Variants in COL23A1 observed in about 807,000 individuals in gnomAD.
The protein encoded by COL23A1 is collagen type XXIII alpha 1 chain.
In COL23A1, 97 loss-of-function variants were observed where a neutral mutation model predicts 99.3. The ratio of observed to expected loss-of-function variants is 0.98; its 90% CI spans 0.83 to 1.16. COL23A1 has a LOEUF of 1.16. COL23A1 is among the 50% of genes most tolerant of loss of function. COL23A1 has a pLI of 0.00. For synonymous variants in COL23A1, 320 were observed against 308.2 expected, an observed-to-expected ratio of 1.04 and a Z score of -0.40; for missense variants, 762 against 757.4, an observed-to-expected ratio of 1.01 and a Z score of -0.07.
chr5:178,268,847 G>A (rs1478508156), intron 6 of COL23A1, 91 bp from the exon 7 acceptor site: 13 of 1,347,138 alleles, frequency 9.7e-6, no homozygotes, highest in Non-Finnish European at 1.3e-5. Flanking sequence ...AGGGCAGAAG[G>A]GCCCGTGATG....
intron 2 of COL23A1, among the ~76,000 whole-genome samples, chr5:178,543,556 T>G (rs1430693621): frequency 6.6e-6 from 1 of 152,150 alleles, no homozygotes; most frequent in Non-Finnish European, 1.5e-5. Context: ...AAACAATGCC[T>G]GGAGTGAGCC....
intron 20 of COL23A1, among the ~76,000 whole-genome samples, 173 bp from the exon 21 acceptor site, chr5:178,248,004 C>A (rs1764806061): frequency 6.6e-6 from 1 of 152,198 alleles, no homozygotes; most frequent in Admixed American, 6.5e-5. Flanking sequence ...CGAGGTTGTG[C>A]CACTGCACTC....
At chr5:178,259,591 C>A (rs556381555) in intron 12 of COL23A1, 130 bp downstream of exon 12, 2 of 883,000 alleles carry the variant, frequency 2.3e-6, no homozygotes, top group African/African-American at 3.4e-5. Context: ...GAGAGAAGGC[C>A]GCCTTCCCTG....
chr5:178,538,222 C>A (rs1201825657), intron 2 of COL23A1, among the ~76,000 whole-genome samples: 1 of 152,212 alleles, frequency 6.6e-6, no homozygotes, highest in Non-Finnish European at 1.5e-5. Context: ...GCTGGGCATT[C>A]CACCTCTAGG....
At chr5:178,484,233 A>G (rs534690174) in intron 2 of COL23A1, among the ~76,000 whole-genome samples, 8 of 152,240 alleles carry the variant, frequency 5.3e-5, no homozygotes, top group African/African-American at 1.9e-4. Context: ...CAAGATTTTC[A>G]AAAGAAGTTT....
chr5:178,490,492 A>G (rs982228949), intron 2 of COL23A1, among the ~76,000 whole-genome samples: 10 of 152,168 alleles, frequency 6.6e-5, no homozygotes, highest in African/African-American at 2.4e-5. Context: ...TCAGTTGCGG[A>G]AGATGAAAAT....
chr5:178,279,177 C>T (rs530530195), intron 5 of COL23A1, among the ~76,000 whole-genome samples: 2 of 152,332 alleles, frequency 1.3e-5, no homozygotes, highest in South Asian at 4.1e-4. Context: ...AAAGCTGTAC[C>T]CCTGGCCTGG....
At chr5:178,417,009 G>A (rs1765346884) in intron 2 of COL23A1, among the ~76,000 whole-genome samples, 1 of 152,162 alleles carries the variant, frequency 6.6e-6, no homozygotes, top group Non-Finnish European at 1.5e-5. Flanking sequence ...GGAGCTTCCT[G>A]AGACTTAGGG....
At chr5:178,345,236 G>A in intron 2 of COL23A1, 1 of 852,008 alleles carries the variant, frequency 1.2e-6, no homozygotes, top group Non-Finnish European at 1.9e-6. Flanking sequence ...TTTCTATAAT[G>A]TCCCTATTCA....
intron 2 of COL23A1, among the ~76,000 whole-genome samples, chr5:178,547,475 A>ACCCCCACC (rs1268912457): frequency 1.5e-5 from 2 of 131,494 alleles, no homozygotes; most frequent in Non-Finnish European, 3.3e-5. Flanking sequence ...ACACCCACAC[A>ACCCCCACC]CCCACACACA....
chr5:178,336,114 A>T, intron 2 of COL23A1, among the ~76,000 whole-genome samples: 1 of 152,330 alleles, frequency 6.6e-6, no homozygotes, highest in African/African-American at 2.4e-5. Flanking sequence ...GGTGAGGTGA[A>T]GTAAGAACCC....
chr5:178,562,006 C>G (rs1349400516), intron 1 of COL23A1: 1 of 497,200 alleles, frequency 2.0e-6, no homozygotes, highest in Admixed American at 2.4e-5. Context: ...CGAAGCAGAT[C>G]CTAAAACAGA....
chr5:178,332,070 G>A (rs1301515434), intron 2 of COL23A1, among the ~76,000 whole-genome samples: 1 of 152,170 alleles, frequency 6.6e-6, no homozygotes, highest in Non-Finnish European at 1.5e-5. Flanking sequence ...GCCTTCTGGC[G>A]GTGTGAAGGT....
intron 1 of COL23A1, among the ~76,000 whole-genome samples, chr5:178,570,533 G>C (rs1763042177): frequency 6.6e-6 from 1 of 152,074 alleles, no homozygotes; most frequent in Non-Finnish European, 1.5e-5. Flanking sequence ...ATTTTAAAAA[G>C]ACCAGATCAT....
intron 2 of COL23A1, among the ~76,000 whole-genome samples, chr5:178,465,013 A>G (rs1484908734): frequency 6.6e-6 from 1 of 152,206 alleles, no homozygotes; most frequent in Non-Finnish European, 1.5e-5. Flanking sequence ...GATCATTAAC[A>G]TGGATGAAGA....
chr5:178,583,100 G>C (rs1353729594), intron 1 of COL23A1, among the ~76,000 whole-genome samples: 2 of 152,190 alleles, frequency 1.3e-5, no homozygotes, highest in Non-Finnish European at 2.9e-5. Context: ...AGGCTGTTGT[G>C]GGCAACTTTT....
chr5:178,246,277 G>A lies in COL23A1; in HGVS notation c.1390C>T (p.Leu464=). Residue 464 remains leucine, a synonymous_variant, in exon 24 of 29, where the codon CTG becomes TTG. Coordinates refer to ENST00000390654, the MANE Select transcript of COL23A1 (RefSeq NM_173465.4). Reference sequence around the variant, plus strand: ...ACCTTCTCTCCTTTGGTTCCTGGCAGCCCAATAAGGCCCGGTGGGCCAACT... The same window carrying A: ...ACCTTCTCTCCTTTGGTTCCTGGCAACCCAATAAGGCCCGGTGGGCCAACT... ...GPVGPPGLIG[L]PGTKGEKGRP... 1 of 1,554,704 alleles carries A rather than the reference G, an allele frequency of 6.4e-7. No individual in the cohort carries two copies. Among genetic ancestry groups the A allele is most frequent in the South Asian group, 1.2e-5 (1 of 84,410 alleles).
chr5:178,268,235 A>G (rs1052813104), intron 7 of COL23A1, among the ~76,000 whole-genome samples: 2 of 152,148 alleles, frequency 1.3e-5, no homozygotes, highest in African/African-American at 4.8e-5. Flanking sequence ...CGTGGGTAAC[A>G]CAGGTCTCTT....
chr5:178,435,770 G>C (rs1194280209), intron 2 of COL23A1, among the ~76,000 whole-genome samples: 1 of 152,150 alleles, frequency 6.6e-6, no homozygotes, highest in Admixed American at 6.5e-5. Context: ...ATGTTTTGGA[G>C]GTGGCCCTGG....
Sources: gnomAD v4.1 joint callset for allele counts (sites outside exome capture counted in the v4.1 genomes callset) on GRCh38, gnomAD v4.1.1 for gene constraint, MANE v1.5 for transcripts, NCBI Gene and HGNC (gene_info 2026-07-23, HGNC 2026-07-21) for gene names.